The following TEAD4 variants were observed in gnomAD, a reference collection of about 807,000 sequenced individuals.
TEAD4 encodes the protein TEA domain transcription factor 4.
Under a neutral mutation model 52.4 loss-of-function variants are expected in TEAD4, and 36 were observed. The observed-to-expected ratio is 0.69, with a 90% CI of 0.53 to 0.91. TEAD4 has a LOEUF of 0.91. TEAD4 is among the 40% of genes least tolerant of loss of function. TEAD4 has a pLI of 0.00. For missense variants in TEAD4, 508 were observed against 583.9 expected, an observed-to-expected ratio of 0.87 and a Z score of 1.34; for synonymous variants, 220 against 231.0, an observed-to-expected ratio of 0.95 and a Z score of 0.43.
At chr12:2,984,219 G>A (rs998439235) in intron 2 of TEAD4, among the ~76,000 whole-genome samples, 2 of 152,180 alleles carry the variant, frequency 1.3e-5, no homozygotes, top group African/African-American at 2.4e-5. Flanking sequence ...AGATGGAAGC[G>A]CTAGAAAATC....
At chr12:3,002,327 A>C (rs553039972) in intron 3 of TEAD4, among the ~76,000 whole-genome samples, 10 of 152,326 alleles carry the variant, frequency 6.6e-5, no homozygotes, top group African/African-American at 2.2e-4. Flanking sequence ...TGCAGTGAAC[A>C]TTGGTGTACA....
chr12:3,017,573 T>C (rs2098265523), intron 6 of TEAD4, 47 bp downstream of exon 6: 1 of 1,569,866 alleles, frequency 6.4e-7, no homozygotes, highest in East Asian at 2.4e-5. Flanking sequence ...CCTCTCCTCC[T>C]CCCTCCTCCC....
chr12:2,964,157 C>G (rs999919012), intron 2 of TEAD4, among the ~76,000 whole-genome samples: 8 of 152,184 alleles, frequency 5.3e-5, no homozygotes, highest in African/African-American at 9.6e-5. Context: ...AGCTCCGTGC[C>G]GGTTCTGTGC....
chr12:3,020,381 CG>C (rs201229376), intron 8 of TEAD4, among the ~76,000 whole-genome samples: 1 of 81,626 alleles, frequency 1.2e-5, no homozygotes, highest in South Asian at 5.2e-4. Flanking sequence ...CAGTCTTGCT[CG>C]GCGGTTCCAT....
intron 10 of TEAD4, among the ~76,000 whole-genome samples, chr12:3,035,005 G>A (rs984522246): frequency 5.3e-5 from 8 of 152,134 alleles, no homozygotes; most frequent in African/African-American, 1.7e-4. Context: ...GGAGGCTGAG[G>A]CAGAAGAATC....
chr12:3,009,795 C>T lies in TEAD4; in HGVS notation c.227-1209C>T, dbSNP rs549701812. Among the ~76,000 whole-genome samples, 28 of 152,362 alleles carry T rather than the reference C, an allele frequency of 1.8e-4. 1 individual carries two copies. Among genetic ancestry groups the T allele is most frequent in the African/African-American group, 6.3e-4 (26 of 41,588 alleles). The stretch of plus-strand genomic sequence containing the variant: ...CCCCCACTCCTTCCTCTGACACAGA[C>T]GAGGCAGTGGTCCCAGGCCAGCACA... On this transcript the variant is annotated intron_variant, in intron 3 of 12. Coordinates refer to ENST00000359864, the MANE Select transcript of TEAD4 (RefSeq NM_003213.4).
intron 3 of TEAD4, among the ~76,000 whole-genome samples, chr12:3,004,835 G>A (rs770611579): frequency 3.3e-5 from 5 of 152,212 alleles, no homozygotes; most frequent in Non-Finnish European, 5.9e-5. Context: ...CTGGCCTGGA[G>A]GCAGGGAGAT....
At chr12:2,987,496 G>A (rs976346426) in intron 2 of TEAD4, among the ~76,000 whole-genome samples, 8 of 151,906 alleles carry the variant, frequency 5.3e-5, no homozygotes, top group South Asian at 2.1e-4. Flanking sequence ...CTGCAGGGGC[G>A]CGATCTCAGC....
intron 2 of TEAD4, among the ~76,000 whole-genome samples, chr12:2,981,116 C>G (rs755956899): frequency 2.0e-4 from 31 of 152,164 alleles, no homozygotes; most frequent in Non-Finnish European, 3.8e-4. Flanking sequence ...TTGAAACTGG[C>G]ACCTCCTAGT....
intron 3 of TEAD4, among the ~76,000 whole-genome samples, chr12:3,009,452 A>G (rs921416100): frequency 3.9e-5 from 6 of 152,122 alleles, no homozygotes; most frequent in African/African-American, 1.4e-4. Flanking sequence ...AAATAAAAAT[A>G]AAGAAGAAGA....
chr12:2,963,644 G>A (rs991617702), intron 2 of TEAD4, among the ~76,000 whole-genome samples: 105 of 152,308 alleles, frequency 6.9e-4, no homozygotes, highest in African/African-American at 2.5e-3. Flanking sequence ...CTGAGATGAC[G>A]GTTCTTCCCT....
At chr12:2,968,103 T>TC (rs2098221898) in intron 2 of TEAD4, among the ~76,000 whole-genome samples, 1 of 144,340 alleles carries the variant, frequency 6.9e-6, no homozygotes, top group African/African-American at 2.8e-5. Context: ...TTTTTTTTTT[T>TC]GAGACGGAGT....
intron 10 of TEAD4, among the ~76,000 whole-genome samples, chr12:3,035,983 G>T (rs1444393765): frequency 6.6e-6 from 1 of 152,058 alleles, no homozygotes; most frequent in Non-Finnish European, 1.5e-5. Flanking sequence ...TGCCATCCTG[G>T]GCACCCTGCC....
intron 11 of TEAD4, among the ~76,000 whole-genome samples, chr12:3,038,394 T>A (rs889785200): frequency 3.9e-5 from 6 of 152,214 alleles, no homozygotes; most frequent in Admixed American, 1.3e-4. Flanking sequence ...GGCAGAGCCC[T>A]GGGCATCTAC....
intron 8 of TEAD4, among the ~76,000 whole-genome samples, 189 bp from the exon 9 acceptor site, chr12:3,020,445 C>A (rs2098267871): frequency 6.6e-6 from 1 of 152,156 alleles, no homozygotes; most frequent in Non-Finnish European, 1.5e-5. Context: ...CCCACCAGGG[C>A]AGCTCCAGGA....
At chr12:3,001,937 A>AAAT (rs984483105) in intron 3 of TEAD4, among the ~76,000 whole-genome samples, 4 of 152,006 alleles carry the variant, frequency 2.6e-5, no homozygotes, top group African/African-American at 9.7e-5. Context: ...TAAAAATACA[A>AAAT]AATTACAAAA....
At chr12:3,019,900 C>T (rs1295703977) in intron 8 of TEAD4, among the ~76,000 whole-genome samples, 1 of 152,204 alleles carries the variant, frequency 6.6e-6, no homozygotes, top group Admixed American at 6.5e-5. Context: ...CTGTCTCATG[C>T]CAGTCTTCTG....
At position 3,040,364 on chromosome 12, in the gene TEAD4, G is replaced by A; in HGVS notation, c.1192-1G>A. 1 of 1,614,168 alleles carries A rather than the reference G, an allele frequency of 6.2e-7. No individual in the cohort carries two copies. The highest frequency in any genetic ancestry group is 8.5e-7 in the Non-Finnish European group (1 of 1,180,022). On this transcript the variant is annotated splice_acceptor_variant, in intron 12 of 12. Coordinates refer to ENST00000359864, the MANE Select transcript of TEAD4 (RefSeq NM_003213.4). LOFTEE classifies it high-confidence loss of function. ...AACCCTTGTCTTTTTCTCTCCCACAGGTGGTCACCAACAGAGACACACAGG... is the reference window on the plus strand; with the variant it reads ...AACCCTTGTCTTTTTCTCTCCCACAAGTGGTCACCAACAGAGACACACAGG...
rs1309375945 is a variant in TEAD4, at chr12:3,019,137, A to G, written c.550A>G (p.Thr184Ala). ...CAGTGTGAAGCCTTTCTCTCAGCAA[A>G]CCTATGCTGTCCAGCCTCCGCTGCC... The change falls in exon 8 of 13, where the codon ACC becomes GCC. Residue 184 changes from threonine to alanine, a missense_variant. Transcript: ENST00000359864. 3.1e-6 allele frequency: 5 copies of G among 1,613,780 alleles called. No individual in the cohort carries two copies. The highest frequency in any genetic ancestry group is 1.7e-6 in the Non-Finnish European group (2 of 1,179,908).
Sources: gnomAD v4.1 joint callset for allele counts (sites outside exome capture counted in the v4.1 genomes callset) on GRCh38, gnomAD v4.1.1 for gene constraint, MANE v1.5 for transcripts, NCBI Gene and HGNC (gene_info 2026-07-23, HGNC 2026-07-21) for gene names.